The following IL1RAPL1 variants were observed in gnomAD, a reference collection of about 807,000 sequenced individuals.
The protein encoded by IL1RAPL1 is interleukin-1 receptor accessory protein-like 1.
Under a neutral mutation model 48.4 loss-of-function variants are expected in IL1RAPL1, and 3 were observed. The ratio of observed to expected loss-of-function variants is 0.06; its 90% CI spans 0.03 to 0.16. The LOEUF (loss-of-function observed/expected upper bound fraction) is 0.16, where lower values mean the gene tolerates loss of function less well. Ranked by LOEUF, IL1RAPL1 falls within the 10% of genes least tolerant of loss-of-function variation. The pLI, the probability that IL1RAPL1 is intolerant of heterozygous loss-of-function variation, is 1.00. For synonymous variants in IL1RAPL1, 185 were observed against 187.7 expected, an observed-to-expected ratio of 0.99 and a Z score of 0.12; for missense variants, 349 against 530.6, an observed-to-expected ratio of 0.66 and a Z score of 3.36.
At chrX:29,263,863 C>G (rs1417720284) in intron 2 of IL1RAPL1, among the ~76,000 whole-genome samples, 1 of 20,473 alleles carries the variant, frequency 4.9e-5, no homozygotes. Flanking sequence ...CTCTCTCTCC[C>G]CCCCCCCCGC....
At chrX:29,246,150 CTTTTTT>C (rs761809643) in intron 2 of IL1RAPL1, among the ~76,000 whole-genome samples, 1 of 52,031 alleles carries the variant, frequency 1.9e-5, no homozygotes, top group Non-Finnish European at 3.4e-5. Flanking sequence ...TCTCATCGCT[CTTTTTT>C]TTTTTTTTTT....
chrX:29,892,807 T>C (rs1932296410), intron 6 of IL1RAPL1, among the ~76,000 whole-genome samples: 1 of 112,372 alleles, frequency 8.9e-6, no homozygotes, highest in African/African-American at 3.2e-5. Flanking sequence ...CTTCACTTCA[T>C]TGGACAGCAC....
At chrX:28,895,891 C>A (rs924359883) in intron 2 of IL1RAPL1, among the ~76,000 whole-genome samples, 55 of 112,149 alleles carry the variant, frequency 4.9e-4, no homozygotes, top group African/African-American at 1.6e-3. Flanking sequence ...AGGAGTCAGT[C>A]AGAGAGCCTC....
intron 6 of IL1RAPL1, among the ~76,000 whole-genome samples, chrX:29,748,114 C>T (rs1928376462): frequency 8.9e-6 from 1 of 111,813 alleles, no homozygotes; most frequent in South Asian, 3.8e-4. Flanking sequence ...GATTACATGC[C>T]ATTAGTTTCA....
intron 1 of IL1RAPL1, among the ~76,000 whole-genome samples, chrX:28,635,796 CGT>C (rs890910027): frequency 9.1e-6 from 1 of 110,311 alleles, no homozygotes; most frequent in Non-Finnish European, 1.9e-5. Flanking sequence ...TTTATCATGG[CGT>C]GTGTGTGTGT....
chrX:28,634,450 T>G (rs1449495665), intron 1 of IL1RAPL1, among the ~76,000 whole-genome samples: 1 of 109,191 alleles, frequency 9.2e-6, no homozygotes, highest in African/African-American at 3.3e-5. Context: ...TATTTATATA[T>G]GTATATATGT....
At chrX:29,535,134 CAAAAA>C (rs35842937) in intron 5 of IL1RAPL1, among the ~76,000 whole-genome samples, 4 of 22,583 alleles carry the variant, frequency 1.8e-4, no homozygotes, top group African/African-American at 5.8e-4. Context: ...ACTCTGTCTC[CAAAAA>C]AAAAAAAAAA....
chrX:29,208,411 T>C (rs750933841), intron 2 of IL1RAPL1, among the ~76,000 whole-genome samples: 1 of 111,234 alleles, frequency 9.0e-6, no homozygotes, highest in Non-Finnish European at 1.9e-5. Context: ...GTTGGTTGGA[T>C]TTAAAAGTCT....
chrX:28,952,809 T>G (rs1362233097), intron 2 of IL1RAPL1, among the ~76,000 whole-genome samples: 1 of 111,739 alleles, frequency 8.9e-6, no homozygotes, highest in Non-Finnish European at 1.9e-5. Flanking sequence ...AAGGCAGATC[T>G]TCAATATAAT....
rs753394988 is a variant in IL1RAPL1 at position 28,598,816 on chromosome X, C to T, written c.-25+10769C>T. ...GCTAATTTTGTATTTTTAGTAGAGA[C>T]GGGGTTTCACCATGTCGGCCAGGCT... On this transcript the variant is annotated intron_variant, in intron 1 of 10. Transcript: ENST00000378993. Among the ~76,000 whole-genome samples the T allele has an allele frequency of 2.5e-4, 26 of 106,085 alleles. No homozygotes were observed. The South Asian group carries it at 2.6e-3, about 11-fold the overall frequency. The allele number at this position is 106,085 out of a possible 115,157, so 92.1% of individuals were successfully genotyped here. A position where few individuals can be genotyped will look rare whatever the true frequency, so the allele number is the denominator to read the frequency against.
chrX:29,693,285 C>T lies in IL1RAPL1; in HGVS notation c.778+24781C>T, dbSNP rs139794903. Among the ~76,000 whole-genome samples, 862 of 112,277 alleles carry T rather than the reference C, an allele frequency of 7.7e-3. 10 individuals carry two copies. The highest frequency in any genetic ancestry group is 0.027 in the African/African-American group (824 of 30,880). On this transcript the variant is annotated intron_variant, in intron 6 of 10. Transcript: ENST00000378993. ...AATCAAGTTGATTCTTAGCTTCAAC[C>T]GCTGTTGGATTAGGATTCAGCTTTT...
chrX:29,013,879 G>T (rs1373300231), intron 2 of IL1RAPL1, among the ~76,000 whole-genome samples: 1 of 104,705 alleles, frequency 9.6e-6, no homozygotes, highest in Non-Finnish European at 2.0e-5. Context: ...AAAGTTGAAG[G>T]AAAAAAAAAA....
At chrX:29,698,171 C>CTT (rs757165756) in intron 6 of IL1RAPL1, among the ~76,000 whole-genome samples, 3 of 93,882 alleles carry the variant, frequency 3.2e-5, no homozygotes, top group African/African-American at 3.8e-5. Flanking sequence ...CTGGAATGTT[C>CTT]TTTTTTTTTT....
chrX:29,408,251 A>G (rs2147695894), intron 5 of IL1RAPL1, among the ~76,000 whole-genome samples: 1 of 111,836 alleles, frequency 8.9e-6, no homozygotes, highest in East Asian at 2.8e-4. Flanking sequence ...AAAAAAATAT[A>G]CACTATATAG....
At chrX:29,782,100 GTCTATCTATCTA>G (rs57978861) in intron 6 of IL1RAPL1, among the ~76,000 whole-genome samples, 15 of 84,008 alleles carry the variant, frequency 1.8e-4, no homozygotes, top group East Asian at 4.0e-4. Context: ...CTGTCTGTCT[GTCTATCTATCTA>G]TCTATCTATC....
intron 5 of IL1RAPL1, among the ~76,000 whole-genome samples, chrX:29,485,973 G>A (rs1461135845): frequency 9.0e-6 from 1 of 111,313 alleles, no homozygotes; most frequent in East Asian, 2.8e-4. Context: ...CGTTAGGCCA[G>A]CATCAGCAAC....
chrX:28,968,818 G>T (rs961689367), intron 2 of IL1RAPL1, among the ~76,000 whole-genome samples: 6 of 112,778 alleles, frequency 5.3e-5, no homozygotes, highest in African/African-American at 1.9e-4. Context: ...TGGGATGAGT[G>T]CAGAGGCAAT....
At chrX:29,722,231 C>T (rs1220145801) in intron 6 of IL1RAPL1, among the ~76,000 whole-genome samples, 1 of 111,898 alleles carries the variant, frequency 8.9e-6, no homozygotes, top group East Asian at 2.8e-4. Flanking sequence ...ATATAAATGT[C>T]TTATATGTCA....
chrX:28,853,801 T>G (rs1414323282), intron 2 of IL1RAPL1, among the ~76,000 whole-genome samples: 2 of 111,967 alleles, frequency 1.8e-5, no homozygotes, highest in Non-Finnish European at 3.8e-5. Flanking sequence ...TAAAAAGAAT[T>G]ATAAGATGTA....
Sources: allele counts gnomAD v4.1 joint callset (sites outside exome capture counted in the v4.1 genomes callset), GRCh38; gene constraint gnomAD v4.1.1; transcripts MANE v1.5; gene names NCBI Gene and HGNC (gene_info 2026-07-23, HGNC 2026-07-21).